Variants in TOX observed in about 807,000 individuals in gnomAD.
The protein encoded by TOX is thymocyte selection associated high mobility group box.
In TOX, 11 loss-of-function variants were observed where a neutral mutation model predicts 53.7. That is an observed-to-expected ratio of 0.20 (90% CI 0.13 to 0.34). The LOEUF (loss-of-function observed/expected upper bound fraction) is 0.34. TOX is among the 10% of genes least tolerant of loss of function. The pLI is 1.00. For missense variants in TOX, 570 were observed against 664.6 expected, an observed-to-expected ratio of 0.86 and a Z score of 1.56; for synonymous variants, 225 against 245.3, an observed-to-expected ratio of 0.92 and a Z score of 0.77.
intron 1 of TOX, among the ~76,000 whole-genome samples, chr8:59,107,108 CT>C (rs1208987844): frequency 7.4e-6 from 1 of 135,018 alleles, no homozygotes; most frequent in Non-Finnish European, 1.5e-5. Flanking sequence ...AATTTTTAAA[CT>C]TTTAAAATAG....
chr8:59,107,412 G>C (rs1446303815), intron 1 of TOX, among the ~76,000 whole-genome samples: 1 of 152,102 alleles, frequency 6.6e-6, no homozygotes, highest in Non-Finnish European at 1.5e-5. Context: ...ACAGGACCCA[G>C]TAAAATTGAA....
At position 58,927,787 on chromosome 8, in the gene TOX, G is replaced by A. The variant is rs184608417; in HGVS notation, c.411+11515C>T. Among the ~76,000 whole-genome samples, 103 of 152,216 alleles carry A rather than the reference G, an allele frequency of 6.8e-4. 2 individuals carry two copies. In the East Asian group the frequency reaches 0.015, roughly 23 times the overall value. On this transcript the variant is annotated intron_variant, in intron 3 of 8. Coordinates refer to ENST00000361421, the MANE Select transcript of TOX (RefSeq NM_014729.3). ...GCTCACTGTCTGCCCAGTACTGCTC[G>A]GAGGGCTTCAGATGCACAGACCAGA...
chr8:58,807,545 C>A lies in TOX; in HGVS notation c.*202G>T. On this transcript the variant is annotated 3_prime_UTR_variant, in exon 9 of 9. Transcript: ENST00000361421. ...AATTTCCTTCAGGGAAGAAGAAAAA[C>A]AATGTCCATAAAGGATTAAAAAAAT... The A allele has an allele frequency of 1.9e-6, 1 of 526,380 alleles. No homozygotes were observed. The highest frequency in any genetic ancestry group is 3.6e-5 in the South Asian group (1 of 27,530). 32.6% of individuals were successfully genotyped at this position (526,380 alleles called of 1,614,324 possible).
At chr8:58,828,775 T>C (rs1314631495) in intron 5 of TOX, among the ~76,000 whole-genome samples, 1 of 152,192 alleles carries the variant, frequency 6.6e-6, no homozygotes, top group Non-Finnish European at 1.5e-5. Context: ...CTCAAAGACA[T>C]AATTTATAAT....
At chr8:59,028,613 T>C (rs934806776) in intron 1 of TOX, among the ~76,000 whole-genome samples, 1 of 152,132 alleles carries the variant, frequency 6.6e-6, no homozygotes, top group African/African-American at 2.4e-5. Flanking sequence ...TATGAACACT[T>C]TTCTAAATAA....
chr8:58,977,796 A>G (rs1265237820), intron 1 of TOX, among the ~76,000 whole-genome samples: 1 of 152,210 alleles, frequency 6.6e-6, no homozygotes, highest in Non-Finnish European at 1.5e-5. Context: ...AATTAAGTTC[A>G]TTGTCTTATA....
At chr8:58,937,369 G>A (rs1021641397) in intron 3 of TOX, among the ~76,000 whole-genome samples, 1 of 152,210 alleles carries the variant, frequency 6.6e-6, no homozygotes, top group Non-Finnish European at 1.5e-5. Flanking sequence ...GGTGGGCAGA[G>A]AGCATAAGGA....
chr8:58,851,861 A>T lies in TOX; in HGVS notation c.412-56T>A, dbSNP rs1244182858. The T allele has an allele frequency of 1.6e-6, 2 of 1,246,094 alleles. No homozygotes were observed. Among genetic ancestry groups the T allele is most frequent in the African/African-American group, 3.1e-5 (2 of 64,352 alleles). The allele number at this position is 1,246,094 out of a possible 1,614,324, so 77.2% of individuals were successfully genotyped here. A position where few individuals can be genotyped will look rare whatever the true frequency, so the allele number is the denominator to read the frequency against. On this transcript the variant is annotated intron_variant, in intron 3 of 8. Coordinates refer to ENST00000361421, the MANE Select transcript of TOX (RefSeq NM_014729.3). This position sits in a 1 kb window ranked among gnomAD's most constrained non-coding sequence, Gnocchi z 4.4. Reference sequence around the variant, plus strand: ...TAAATAAATAAATAGGAAAGGAGTAATTTTAACAAATATGTTTTGGGCAAA... The same window carrying T: ...TAAATAAATAAATAGGAAAGGAGTATTTTTAACAAATATGTTTTGGGCAAA...
rs1554524193 is a variant in TOX at position 58,851,181 on chromosome 8, T to TCTCTCC, written c.693+342_693+343insGGAGAG. 6.9e-6 allele frequency among the ~76,000 whole-genome samples: 1 copy of TCTCTCC among 144,244 alleles called. No individual in the cohort carries two copies. The highest frequency in any genetic ancestry group is 6.8e-5 in the Admixed American group (1 of 14,600). The allele number at this position is 144,244 out of a possible 152,430, so 94.6% of individuals were successfully genotyped here. ...CTGTCTCTCTCTCTCTCTCTCTCTC[T>TCTCTCC]CTCTCACACACACACACACACACAC... On this transcript the variant is annotated intron_variant, in intron 4 of 8. Transcript: ENST00000361421. This position sits in a 1 kb window ranked among gnomAD's most constrained non-coding sequence, Gnocchi z 4.4.
chr8:59,067,895 T>A (rs530654130), intron 1 of TOX, among the ~76,000 whole-genome samples: 1 of 152,322 alleles, frequency 6.6e-6, no homozygotes, highest in East Asian at 1.9e-4. Flanking sequence ...TAAAACCATA[T>A]CTGTCATTCC....
rs1225537678 is a variant in TOX, at chr8:59,021,495, T to C, written c.103-61487A>G. On this transcript the variant is annotated intron_variant, in intron 1 of 8. Coordinates refer to ENST00000361421, the MANE Select transcript of TOX (RefSeq NM_014729.3). ...AAAAAAAAAAAAATATATATATATA[T>C]ATATGCACATATATACAATGTCAGA... Among the ~76,000 whole-genome samples, 92 of 98,704 alleles carry C rather than the reference T, an allele frequency of 9.3e-4. 2 individuals carry two copies. The highest frequency in any genetic ancestry group is 5.5e-3 in the Middle Eastern group (1 of 182). The allele number at this position is 98,704 out of a possible 152,430, so 64.8% of individuals were successfully genotyped here.
intron 5 of TOX, among the ~76,000 whole-genome samples, chr8:58,828,360 T>C (rs1051048571): frequency 6.6e-6 from 1 of 152,238 alleles, no homozygotes; most frequent in African/African-American, 2.4e-5. Flanking sequence ...CTTCTGTATT[T>C]GGCATTTTGG....
At chr8:58,991,837 C>T (rs567488461) in intron 1 of TOX, 1 of 152,362 alleles carries the variant, frequency 6.6e-6, no homozygotes, top group Non-Finnish European at 1.5e-5. Context: ...GACAGCGTAT[C>T]TTGGGGTGAA....
chr8:58,861,053 A>G (rs1441150726), intron 3 of TOX, among the ~76,000 whole-genome samples: 2 of 152,174 alleles, frequency 1.3e-5, no homozygotes, highest in African/African-American at 2.4e-5. Context: ...CCTGCTGTGA[A>G]TCTTAAACTA....
intron 3 of TOX, among the ~76,000 whole-genome samples, chr8:58,889,814 T>A (rs1156720464): frequency 6.6e-6 from 1 of 152,124 alleles, no homozygotes; most frequent in Non-Finnish European, 1.5e-5. Context: ...TTGCTAAGTT[T>A]TTATTTCAAA....
intron 3 of TOX, among the ~76,000 whole-genome samples, chr8:58,899,052 T>C (rs1811693896): frequency 6.6e-6 from 1 of 152,172 alleles, no homozygotes; most frequent in Non-Finnish European, 1.5e-5. Flanking sequence ...CAGGATGCTT[T>C]CCAATAAATT....
chr8:58,852,609 T>G (rs1810843661), intron 3 of TOX, among the ~76,000 whole-genome samples: 1 of 152,150 alleles, frequency 6.6e-6, no homozygotes, highest in Admixed American at 6.5e-5. Context: ...AGAGGTCAAA[T>G]GTATTGTATA....
intron 1 of TOX, among the ~76,000 whole-genome samples, chr8:59,044,111 G>A (rs2129420912): frequency 6.6e-6 from 1 of 151,964 alleles, no homozygotes; most frequent in Non-Finnish European, 1.5e-5. Context: ...TATGCTGGGA[G>A]GTTAGCACCC....
Position 59,114,800 on chromosome 8 carries a change from T to C in TOX, c.102+4086A>G, listed in dbSNP as rs576574793. The stretch of plus-strand genomic sequence containing the variant: ...TCCTTCTTAATGTGCTTACAAATCC[T>C]GTATTTTTGATGAGTATTGCCACAT... On this transcript the variant is annotated intron_variant, in intron 1 of 8. Coordinates refer to ENST00000361421, the MANE Select transcript of TOX (RefSeq NM_014729.3). Among the ~76,000 whole-genome samples, 4 of 152,356 alleles carry C rather than the reference T, an allele frequency of 2.6e-5. No individual in the cohort carries two copies. In the East Asian group the frequency reaches 7.7e-4, roughly 29 times the overall value.
Sources: allele counts gnomAD v4.1 joint callset (sites outside exome capture counted in the v4.1 genomes callset), GRCh38; gene constraint gnomAD v4.1.1; non-coding constraint Gnocchi (gnomAD v3.1); transcripts MANE v1.5; gene names NCBI Gene and HGNC (gene_info 2026-07-23, HGNC 2026-07-21).